The following AACS variants were observed in gnomAD, a reference collection of about 807,000 sequenced individuals.
AACS encodes acetoacetyl-CoA synthetase, also known as acetoacetate-CoA ligase.
Under a neutral mutation model 83.1 loss-of-function variants are expected in AACS, and 69 were observed. The observed-to-expected ratio is 0.83, with a 90% CI of 0.68 to 1.01. The LOEUF is 1.01. AACS is among the 50% of genes least tolerant of loss of function. The pLI is 0.00. For missense variants in AACS, 866 were observed against 882.2 expected (o/e 0.98, Z 0.23); for synonymous variants, 333 against 343.4 (o/e 0.97, Z 0.33).
chr12:125,076,184 G>A (rs759222532), intron 2 of AACS, among the ~76,000 whole-genome samples: 4 of 152,216 alleles, frequency 2.6e-5, no homozygotes, highest in Admixed American at 2.0e-4. Context: ...AGAGCCTGAC[G>A]TGTTGGGTGT....
At chr12:125,079,559 T>A (rs905720941) in intron 3 of AACS, among the ~76,000 whole-genome samples, 18 of 151,930 alleles carry the variant, frequency 1.2e-4, no homozygotes, top group African/African-American at 4.4e-4. Context: ...TTTTTTTTTT[T>A]AAGTTTTTTT....
Position 125,142,538 on chromosome 12 carries a change from C to T in AACS, c.*309C>T, listed in dbSNP as rs1957517067. 1 of 297,904 alleles carries T rather than the reference C, an allele frequency of 3.4e-6. No individual in the cohort carries two copies. The highest frequency in any genetic ancestry group is 1.0e-3 in the Middle Eastern group (1 of 994). The allele number at this position is 297,904 out of a possible 1,614,324, so 18.5% of individuals were successfully genotyped here. On this transcript the variant is annotated 3_prime_UTR_variant, in exon 18 of 18. Transcript: ENST00000316519. ...CGGTGGGGCTGGCTGGTGCTGAAGA[C>T]AGACACACTCCTGAGCCAAGGTCTT... is the stretch of plus-strand genomic sequence containing the variant.
rs1046993566 is a variant in AACS, at chr12:125,091,515, G to A, written c.562G>A (p.Gly188Ser). The A allele has an allele frequency of 6.8e-6, 11 of 1,614,222 alleles. No homozygotes were observed. The highest frequency in any genetic ancestry group is 1.3e-5 in the African/African-American group (1 of 75,060). ...AIWSSTSPDF[G>S]VNGVLDRFSQ... ...CTGGAGCTCCACGTCCCCGGACTTC[G>A]GTGTGAATGTGAGTCAGGGTCTGTG... Residue 188 changes from glycine to serine, a missense_variant, in exon 5 of 18, where the codon GGT (glycine) becomes AGT (serine). Coordinates refer to ENST00000316519, the MANE Select transcript of AACS (RefSeq NM_023928.5).
At chr12:125,095,832 C>T (rs867825404) in intron 5 of AACS, among the ~76,000 whole-genome samples, 2 of 152,216 alleles carry the variant, frequency 1.3e-5, no homozygotes, top group African/African-American at 4.8e-5. Context: ...GGAGCCAGCA[C>T]AGTGGTGAGG....
chr12:125,087,937 G>A (rs183162024), intron 4 of AACS, among the ~76,000 whole-genome samples: 150 of 152,266 alleles, frequency 9.9e-4, no homozygotes, highest in Middle Eastern at 6.8e-3. Flanking sequence ...TATCCTCAGG[G>A]TTCACCCTGG....
At chr12:125,117,675 A>T (rs893958411) in intron 9 of AACS, 1 of 152,248 alleles carries the variant, frequency 6.6e-6, no homozygotes, top group African/African-American at 2.4e-5. Flanking sequence ...GAACGAGTAC[A>T]TTAAGACCTG....
rs568847878 is a variant in AACS, at chr12:125,133,796, C to T, written c.1550-207C>T. On this transcript the variant is annotated intron_variant, in intron 14 of 17. Coordinates refer to ENST00000316519, the MANE Select transcript of AACS (RefSeq NM_023928.5). ...GAGGAGCTGCGTTCCTCCTCGCCGG[C>T]GGTGTCAGAGCTGCCCGGGCAGCAG... Among the ~76,000 whole-genome samples the T allele has an allele frequency of 1.3e-4, 20 of 152,330 alleles. No homozygotes were observed. In the East Asian group the frequency reaches 2.9e-3, roughly 22 times the overall value.
rs1555224729 is a variant in AACS at position 125,107,164 on chromosome 12, G to C, written c.811G>C (p.Ala271Pro). The change falls in exon 8 of 18, where the codon GCC (alanine) becomes CCC (proline). Residue 271 changes from alanine to proline, a missense_variant. Ala to Pro is a conservative substitution (Grantham distance 27). Coordinates refer to ENST00000316519, the MANE Select transcript of AACS (RefSeq NM_023928.5). The stretch of plus-strand genomic sequence containing the variant: ...TCTTGCCACCGGCACCAGTGAGCAG[G>C]CCCCGCAGCTGGAGTTCGAGCAGCT... ...DFLATGTSEQ[A>P]PQLEFEQLPF... 5.1e-5 allele frequency: 83 copies of C among 1,614,142 alleles called. 1 individual carries two copies. The South Asian group carries it at 9.1e-4, about 18-fold the overall frequency.
At chr12:125,103,170 C>A (rs935003779) in intron 7 of AACS, 89 bp downstream of exon 7, 4 of 1,120,428 alleles carry the variant, frequency 3.6e-6, no homozygotes, top group Non-Finnish European at 5.2e-6. Flanking sequence ...TACTTGGGGT[C>A]ACTCAGAGAA....
rs113794863 is a variant in AACS, at chr12:125,116,833, T to C, written c.997-1808T>C. On this transcript the variant is annotated intron_variant, in intron 9 of 17. Transcript: ENST00000316519. ...ATGTCCTGCAGCCCTGGGCCCAGGC[T>C]ATACTGTGACCCACCCTCCCTCCCT... Among the ~76,000 whole-genome samples the C allele has an allele frequency of 2.6e-3, 398 of 152,046 alleles. 3 individuals carry two copies. The highest frequency in any genetic ancestry group is 8.9e-3 in the African/African-American group (371 of 41,510).
Position 125,129,363 on chromosome 12 carries a change from G to A in AACS, c.1452G>A (p.Glu484=), listed in dbSNP as rs1198975485. The part of the protein sequence containing the change: ...EGKAVWGESG[E]LVCTKPIPCQ... ...AGGCGGTCTGGGGAGAGAGCGGCGAGCTGGTGTGTACTAAGCCGATCCCTT... is the reference window on the plus strand; with the variant it reads ...AGGCGGTCTGGGGAGAGAGCGGCGAACTGGTGTGTACTAAGCCGATCCCTT... The change falls in exon 14 of 18, where the codon GAG becomes GAA. Residue 484 remains glutamate (E), a synonymous_variant. Transcript: ENST00000316519. This position sits in a 1 kb window ranked among gnomAD's most constrained non-coding sequence, Gnocchi z 4.3. 6.2e-7 allele frequency: 1 copy of A among 1,613,598 alleles called. No homozygotes were observed. Among genetic ancestry groups the A allele is most frequent in the Non-Finnish European group, 8.5e-7 (1 of 1,179,842 alleles).
intron 1 of AACS, among the ~76,000 whole-genome samples, chr12:125,067,236 G>A (rs2136023019): frequency 6.6e-6 from 1 of 152,252 alleles, no homozygotes; most frequent in South Asian, 2.1e-4. Context: ...CTTGGAGACA[G>A]GTGTAGTCTG....
At chr12:125,073,553 G>A (rs1955935428) in intron 1 of AACS, among the ~76,000 whole-genome samples, 2 of 152,160 alleles carry the variant, frequency 1.3e-5, no homozygotes, top group Non-Finnish European at 2.9e-5. Flanking sequence ...ACTTGCCTGA[G>A]GTCACAAAGC....
intron 1 of AACS, among the ~76,000 whole-genome samples, chr12:125,067,254 A>G (rs1955726688): frequency 6.6e-6 from 1 of 152,006 alleles, no homozygotes; most frequent in Non-Finnish European, 1.5e-5. Flanking sequence ...CTGTTGCCCC[A>G]GGGGCTTCTG....
intron 7 of AACS, chr12:125,105,865 T>A (rs1332658457): frequency 3.3e-5 from 5 of 152,264 alleles, no homozygotes; most frequent in African/African-American, 1.2e-4. Context: ...AGTATCTGAT[T>A]AGATCTGGCA....
chr12:125,127,885 T>G (rs1957270987), intron 12 of AACS: 1 of 266,442 alleles, frequency 3.8e-6, no homozygotes, highest in South Asian at 1.1e-4. Flanking sequence ...GTCTTGAATT[T>G]CAGCATGACC....
At chr12:125,086,566 A>G in intron 4 of AACS, 123 bp downstream of exon 4, 1 of 843,060 alleles carries the variant, frequency 1.2e-6, no homozygotes, top group Non-Finnish European at 1.9e-6. Context: ...ACCTTGTGGG[A>G]CTTGGACTCT....
chr12:125,135,647 A>G (rs1177638602), intron 16 of AACS: 1 of 152,244 alleles, frequency 6.6e-6, no homozygotes, highest in Non-Finnish European at 1.5e-5. Flanking sequence ...ACTTATGTCA[A>G]GGTCGTTTGT....
At chr12:125,080,124 C>T (rs1317093006) in intron 3 of AACS, among the ~76,000 whole-genome samples, 2 of 152,208 alleles carry the variant, frequency 1.3e-5, no homozygotes, top group Non-Finnish European at 2.9e-5. Context: ...TGGCCTGCCT[C>T]AGGCACTGCA....
Sources: allele counts gnomAD v4.1 joint callset (sites outside exome capture counted in the v4.1 genomes callset), GRCh38; gene constraint gnomAD v4.1.1; non-coding constraint Gnocchi (gnomAD v3.1); transcripts MANE v1.5; gene names NCBI Gene and HGNC (gene_info 2026-07-23, HGNC 2026-07-21).